IDO2: variants seen among roughly 807,000 people sequenced by gnomAD.
The protein encoded by IDO2 is indoleamine 2,3-dioxygenase-like 1 protein.
IDO2 carries 46 observed loss-of-function variants against 45.1 expected under a neutral mutation model. The ratio of observed to expected loss-of-function variants is 1.02; its 90% confidence interval spans 0.80 to 1.30. IDO2 has a LOEUF of 1.30. IDO2 is among the 50% of genes most tolerant of loss of function. The pLI is 0.00. For missense variants in IDO2, 544 were observed against 491.8 expected (o/e 1.11, Z -1.00); for synonymous variants, 218 against 184.9 (o/e 1.18, Z -1.45).
intron 2 of IDO2, among the ~76,000 whole-genome samples, chr8:39,954,651 T>G (rs868535028): frequency 7.6e-6 from 1 of 132,110 alleles, no homozygotes; most frequent in Non-Finnish European, 1.6e-5. Context: ...CTCTCTCTCT[T>G]TTTTTTTTTT....
chr8:39,940,001 G>A (rs566822634), intron 1 of IDO2, among the ~76,000 whole-genome samples: 1 of 151,722 alleles, frequency 6.6e-6, no homozygotes, highest in African/African-American at 2.4e-5. Context: ...TGGATACCTT[G>A]CTGTGCACTG....
intron 1 of IDO2, among the ~76,000 whole-genome samples, chr8:39,939,081 G>A (rs565577374): frequency 6.6e-6 from 1 of 151,752 alleles, no homozygotes; most frequent in Admixed American, 6.6e-5. Context: ...GTGAAACCCC[G>A]GCTCTACTAA....
chr8:39,960,732 C>G (rs1807979937), intron 2 of IDO2, among the ~76,000 whole-genome samples: 3 of 152,122 alleles, frequency 2.0e-5, no homozygotes, highest in Admixed American at 2.0e-4. Flanking sequence ...TGCGGTTGAC[C>G]TTCTGATGAT....
intron 8 of IDO2, among the ~76,000 whole-genome samples, chr8:39,998,771 G>T (rs1364933842): frequency 6.6e-6 from 1 of 150,386 alleles, no homozygotes. Flanking sequence ...TTCCCGAGTA[G>T]CTGAGATTAC....
chr8:39,967,222 T>C (rs774476087), intron 3 of IDO2, among the ~76,000 whole-genome samples: 2 of 152,078 alleles, frequency 1.3e-5, no homozygotes, highest in Non-Finnish European at 2.9e-5. Context: ...TTTAATGGAA[T>C]CCCATAAGCA....
At chr8:39,998,467 C>T (rs1401019822) in intron 8 of IDO2, 4 of 152,064 alleles carry the variant, frequency 2.6e-5, no homozygotes, top group Non-Finnish European at 2.9e-5. Context: ...TGCAGAAGCA[C>T]GTGTCATACA....
intron 8 of IDO2, among the ~76,000 whole-genome samples, chr8:40,001,387 C>T (rs1363848842): frequency 2.0e-5 from 3 of 151,178 alleles, no homozygotes; most frequent in Non-Finnish European, 4.4e-5. Context: ...GTAGCTGGGA[C>T]TACAGGCGTG....
At chr8:39,954,563 C>A (rs1262336866) in intron 2 of IDO2, among the ~76,000 whole-genome samples, 4 of 151,680 alleles carry the variant, frequency 2.6e-5, no homozygotes, top group Non-Finnish European at 4.4e-5. Flanking sequence ...TGATGTCTTG[C>A]TCCTTGGCTT....
intron 9 of IDO2, among the ~76,000 whole-genome samples, chr8:40,007,848 G>A (rs895688617): frequency 6.6e-6 from 1 of 152,092 alleles, no homozygotes; most frequent in Non-Finnish European, 1.5e-5. Flanking sequence ...TTATCTATTG[G>A]GCTGGGCTCT....
chr8:39,953,154 A>G (rs1398745534), intron 2 of IDO2, among the ~76,000 whole-genome samples: 1 of 152,070 alleles, frequency 6.6e-6, no homozygotes, highest in East Asian at 1.9e-4. Context: ...TGCCCACCTC[A>G]GCCTCATGAA....
intron 1 of IDO2, among the ~76,000 whole-genome samples, chr8:39,945,894 G>A (rs942231703): frequency 2.0e-5 from 3 of 152,092 alleles, no homozygotes; most frequent in African/African-American, 4.8e-5. Flanking sequence ...ATTCATTCCC[G>A]GGCATAGGCT....
chr8:39,940,542 A>G (rs2129592941), intron 1 of IDO2, among the ~76,000 whole-genome samples: 1 of 152,346 alleles, frequency 6.6e-6, no homozygotes, highest in Non-Finnish European at 1.5e-5. Context: ...TGGAAGTATT[A>G]GCAGTTGAGA....
intron 9 of IDO2, among the ~76,000 whole-genome samples, chr8:40,010,868 AG>A (rs1378162957): frequency 6.6e-6 from 1 of 152,210 alleles, no homozygotes; most frequent in Non-Finnish European, 1.5e-5. Flanking sequence ...TCTAGCTATC[AG>A]TGTAAATAGC....
At chr8:39,999,550 A>T (rs1259393018) in intron 8 of IDO2, among the ~76,000 whole-genome samples, 1 of 150,800 alleles carries the variant, frequency 6.6e-6, no homozygotes, top group African/African-American at 2.4e-5. Context: ...AAGTGCTAAG[A>T]TTACAGGCCT....
chr8:40,006,234 A>T (rs188144409), intron 9 of IDO2, among the ~76,000 whole-genome samples: 1 of 152,224 alleles, frequency 6.6e-6, no homozygotes, highest in East Asian at 1.9e-4. Flanking sequence ...TTGAGTACCC[A>T]TACAACCATT....
At chr8:39,981,654 G>C (rs1467785015) in intron 4 of IDO2, among the ~76,000 whole-genome samples, 1 of 152,138 alleles carries the variant, frequency 6.6e-6, no homozygotes, top group Non-Finnish European at 1.5e-5. Flanking sequence ...TCTGAGGAAA[G>C]TTTACCCGAG....
At chr8:39,961,883 G>T (rs1808002945) in intron 2 of IDO2, among the ~76,000 whole-genome samples, 1 of 152,028 alleles carries the variant, frequency 6.6e-6, no homozygotes, top group African/African-American at 2.4e-5. Flanking sequence ...AAATTCAATT[G>T]TGCAGGTTAT....
chr8:39,957,966 TG>T lies in IDO2; in HGVS notation c.100-5641del, dbSNP rs915585438. 1.3e-4 allele frequency among the ~76,000 whole-genome samples: 19 copies of T among 147,860 alleles called. No individual in the cohort carries two copies. The South Asian group carries it at 4.2e-3, about 32-fold the overall frequency. ...TGTCACCCAGGCTGGAGTGCAGTGG[TG>T]CGATCTCAGCTCACTGCAACCTTCG... is the stretch of plus-strand genomic sequence containing the variant. On this transcript the variant is annotated intron_variant, in intron 2 of 10. Transcript: ENST00000502986.
At chr8:39,937,028 G>C (rs1807563342) in intron 1 of IDO2, among the ~76,000 whole-genome samples, 1 of 152,186 alleles carries the variant, frequency 6.6e-6, no homozygotes, top group Non-Finnish European at 1.5e-5. Context: ...CCCTGCAATA[G>C]ATACCCATAT....
Sources: allele counts gnomAD v4.1 joint callset (sites outside exome capture counted in the v4.1 genomes callset), GRCh38; gene constraint gnomAD v4.1.1; transcripts MANE v1.5; gene names NCBI Gene and HGNC (gene_info 2026-07-23, HGNC 2026-07-21).